Variants in CTNND2 observed in about 807,000 individuals in gnomAD.
The protein encoded by CTNND2 is catenin delta-2.
A neutral mutation model predicts 144.4 loss-of-function variants in CTNND2; 22 were observed. The ratio of observed to expected loss-of-function variants is 0.15; its 90% CI spans 0.11 to 0.22. The LOEUF (loss-of-function observed/expected upper bound fraction) is 0.22, where lower values mean the gene tolerates loss of function less well. CTNND2 is among the 10% of genes least tolerant of loss of function. The probability of loss-of-function intolerance (pLI) is 1.00; values close to 1 mark genes in which losing one functional copy is unlikely to be tolerated. For missense variants in CTNND2, 1,353 were observed against 1,618.8 expected, an observed-to-expected ratio of 0.84 and a Z score of 2.82; for synonymous variants, 751 against 695.6, an observed-to-expected ratio of 1.08 and a Z score of -1.25.
intron 16 of CTNND2, among the ~76,000 whole-genome samples, chr5:11,079,840 A>G (rs1258139059): frequency 6.6e-6 from 1 of 152,224 alleles, no homozygotes. Flanking sequence ...AATGGACTCA[A>G]GACTTAAATG....
chr5:11,161,898 TATCAGC>T (rs1386737777), intron 11 of CTNND2, among the ~76,000 whole-genome samples: 2 of 152,174 alleles, frequency 1.3e-5, no homozygotes, highest in Admixed American at 6.6e-5. Flanking sequence ...ACACCTGTAA[TATCAGC>T]ACTTTGGGAG....
chr5:11,235,185 G>A (rs1741489010), intron 10 of CTNND2, among the ~76,000 whole-genome samples: 1 of 152,148 alleles, frequency 6.6e-6, no homozygotes, highest in Non-Finnish European at 1.5e-5. Context: ...ACGATGAAAT[G>A]AAATGCTTTC....
intron 1 of CTNND2, among the ~76,000 whole-genome samples, chr5:11,782,031 G>A (rs1790564850): frequency 6.6e-6 from 1 of 152,162 alleles, no homozygotes; most frequent in Non-Finnish European, 1.5e-5. Flanking sequence ...TGAATCATGG[G>A]TGCGGGTCTT....
chr5:11,133,089 C>T (rs531046117), intron 12 of CTNND2, among the ~76,000 whole-genome samples: 33 of 152,108 alleles, frequency 2.2e-4, no homozygotes, highest in Non-Finnish European at 3.8e-4. Flanking sequence ...AGTCTAAGGA[C>T]CACTCGCCTT....
chr5:11,078,101 A>T (rs908012355), intron 16 of CTNND2, among the ~76,000 whole-genome samples: 6 of 152,186 alleles, frequency 3.9e-5, no homozygotes, highest in Non-Finnish European at 7.3e-5. Context: ...TCACCAGAAT[A>T]CAGATGATCT....
chr5:11,314,760 T>G (rs1165121862), intron 9 of CTNND2, among the ~76,000 whole-genome samples: 2 of 152,180 alleles, frequency 1.3e-5, no homozygotes, highest in Admixed American at 6.5e-5. Context: ...AGCTGAGCAA[T>G]GAGCTCTGAC....
At chr5:11,273,791 G>A (rs550559944) in intron 9 of CTNND2, among the ~76,000 whole-genome samples, 1 of 152,262 alleles carries the variant, frequency 6.6e-6, no homozygotes, top group African/African-American at 2.4e-5. Context: ...TTGACATGAA[G>A]CAGCGTAGGT....
intron 9 of CTNND2, among the ~76,000 whole-genome samples, chr5:11,249,713 A>C (rs1246838866): frequency 1.3e-5 from 2 of 152,174 alleles, no homozygotes; most frequent in Middle Eastern, 3.2e-3. Context: ...AGATTGTTTT[A>C]ACCTGAAATA....
chr5:11,400,943 C>T (rs1760594283), intron 5 of CTNND2, among the ~76,000 whole-genome samples: 1 of 152,214 alleles, frequency 6.6e-6, no homozygotes, highest in Non-Finnish European at 1.5e-5. Flanking sequence ...GTCATATATA[C>T]ATGTCAGCAG....
intron 3 of CTNND2, among the ~76,000 whole-genome samples, chr5:11,545,932 T>C (rs1016826738): frequency 4.6e-5 from 7 of 152,196 alleles, no homozygotes; most frequent in African/African-American, 1.7e-4. Context: ...TATCTATACA[T>C]ACCTATATCA....
chr5:11,676,757 A>G (rs188202458), intron 2 of CTNND2, among the ~76,000 whole-genome samples: 1 of 152,234 alleles, frequency 6.6e-6, no homozygotes, highest in Admixed American at 6.5e-5. Flanking sequence ...TTTGGTGCAG[A>G]TAAGTTGTAT....
intron 12 of CTNND2, among the ~76,000 whole-genome samples, chr5:11,158,101 A>C (rs1292136058): frequency 6.6e-6 from 1 of 152,252 alleles, no homozygotes; most frequent in Non-Finnish European, 1.5e-5. Flanking sequence ...GCATTTTAAC[A>C]GACAGAGCTA....
At chr5:11,586,719 A>G (rs760938635) in intron 2 of CTNND2, among the ~76,000 whole-genome samples, 1 of 152,206 alleles carries the variant, frequency 6.6e-6, no homozygotes, top group Non-Finnish European at 1.5e-5. Context: ...TTGTGAGTCA[A>G]ATGGGCAAAT....
chr5:10,984,281 G>GAGTA (rs1473520930), intron 20 of CTNND2, among the ~76,000 whole-genome samples: 92 of 152,308 alleles, frequency 6.0e-4, no homozygotes, highest in African/African-American at 2.0e-3. Context: ...GACACCCATA[G>GAGTA]AGTAAGTGCC....
At chr5:11,492,478 T>C (rs574088246) in intron 3 of CTNND2, among the ~76,000 whole-genome samples, 3 of 149,548 alleles carry the variant, frequency 2.0e-5, no homozygotes, top group Non-Finnish European at 3.0e-5. Flanking sequence ...TTTTCAGATA[T>C]CTCTTTCTAC....
intron 2 of CTNND2, among the ~76,000 whole-genome samples, chr5:11,599,939 G>A (rs772309130): frequency 5.9e-5 from 9 of 152,218 alleles, no homozygotes; most frequent in South Asian, 2.1e-4. Context: ...TCAGGAATCC[G>A]AGTTAAGAAG....
chr5:11,076,778 G>GT (rs1281334371), intron 16 of CTNND2, among the ~76,000 whole-genome samples: 1 of 152,178 alleles, frequency 6.6e-6, no homozygotes, highest in Non-Finnish European at 1.5e-5. Context: ...CCTATTTAGA[G>GT]TTTCCCCGAT....
chr5:11,470,127 T>A (rs1256402940), intron 3 of CTNND2, among the ~76,000 whole-genome samples: 1 of 152,164 alleles, frequency 6.6e-6, no homozygotes, highest in African/African-American at 2.4e-5. Context: ...AGGATAGTTT[T>A]AGATTTATAG....
At chr5:11,038,387 T>C (rs1346657884) in intron 16 of CTNND2, among the ~76,000 whole-genome samples, 1 of 152,174 alleles carries the variant, frequency 6.6e-6, no homozygotes, top group Non-Finnish European at 1.5e-5. Context: ...AGGAGCTAGG[T>C]TGCACACGCC....
Sources: gnomAD v4.1 joint callset for allele counts (sites outside exome capture counted in the v4.1 genomes callset) on GRCh38, gnomAD v4.1.1 for gene constraint, MANE v1.5 for transcripts, NCBI Gene and HGNC (gene_info 2026-07-23, HGNC 2026-07-21) for gene names.